Variants in SLC16A6 observed in about 807,000 individuals in gnomAD.
SLC16A6 encodes the protein solute carrier family 16 member 6.
SLC16A6 carries 15 observed loss-of-function variants against 33.8 expected under a neutral mutation model. That is an observed-to-expected ratio of 0.44 (90% CI 0.30 to 0.68). The LOEUF (loss-of-function observed/expected upper bound fraction) is 0.68, where lower values mean the gene tolerates loss of function less well. Among genes scored for constraint, SLC16A6 ranks in the 30% least tolerant of loss-of-function variants. The pLI is 0.10. For synonymous variants in SLC16A6, 219 were observed against 248.4 expected, an observed-to-expected ratio of 0.88 and a Z score of 1.11; for missense variants, 451 against 661.5, an observed-to-expected ratio of 0.68 and a Z score of 3.49.
intron 2 of SLC16A6, among the ~76,000 whole-genome samples, chr17:68,277,852 T>C (rs1265614455): frequency 6.6e-6 from 1 of 152,220 alleles, no homozygotes; most frequent in East Asian, 1.9e-4. Flanking sequence ...AGATGTTTAA[T>C]ACATGTGTGT....
At chr17:68,283,877 TCAAA>T (rs2075777441) in intron 1 of SLC16A6, among the ~76,000 whole-genome samples, 1 of 25,666 alleles carries the variant, frequency 3.9e-5, no homozygotes, top group Non-Finnish European at 7.6e-5. Context: ...AAACTCCGTC[TCAAA>T]AAAAAAAAAA....
At chr17:68,281,307 G>T (rs963512483) in intron 1 of SLC16A6, among the ~76,000 whole-genome samples, 10 of 152,022 alleles carry the variant, frequency 6.6e-5, no homozygotes, top group Non-Finnish European at 1.3e-4. Flanking sequence ...GGTGGCTCAC[G>T]CCTGTAATCC....
chr17:68,283,385 G>C (rs992203458), intron 1 of SLC16A6, among the ~76,000 whole-genome samples: 15 of 152,016 alleles, frequency 9.9e-5, no homozygotes, highest in Non-Finnish European at 2.2e-4. Flanking sequence ...GCCAGGCGTG[G>C]TGGCGGGCGC....
Position 68,278,063 on chromosome 17 carries a change from A to G in SLC16A6, c.232+26T>C, listed in dbSNP as rs781920926. 5.0e-5 allele frequency: 77 copies of G among 1,543,564 alleles called. No homozygotes were observed. In the South Asian group the frequency reaches 8.3e-4, roughly 17 times the overall value. On this transcript the variant is annotated intron_variant, in intron 2 of 5. Coordinates refer to ENST00000580666, the MANE Select transcript of SLC16A6 (RefSeq NM_004694.5). ...ATTAAAAGGGCCCTATACTTACGTC[A>G]TGGTTAGGCCGAAAGATGTACTAAC...
intron 3 of SLC16A6, among the ~76,000 whole-genome samples, chr17:68,273,496 C>T (rs1425151935): frequency 6.6e-6 from 1 of 152,146 alleles, no homozygotes; most frequent in African/African-American, 2.4e-5. Context: ...GCTGGGATTA[C>T]AGGCATGAGC....
intron 1 of SLC16A6, among the ~76,000 whole-genome samples, chr17:68,288,747 C>T (rs1261412465): frequency 1.3e-5 from 2 of 152,158 alleles, no homozygotes; most frequent in Non-Finnish European, 2.9e-5. Context: ...AAGGCAAGGC[C>T]GAAGAGTTGG....
At chr17:68,291,408 TCCGCCGGCCTCGGGGGCGCGCCG>T (rs1351256095), upstream of SLC16A6, 1 of 148,110 alleles carries the variant, frequency 6.8e-6, no homozygotes, top group Non-Finnish European at 1.5e-5. Flanking sequence ...GCAGCCGGTC[TCCGCCGGCCTCGGGGGCGCGCCG>T]CCGCCGACCA....
In SLC16A6 at chr17:68,273,966, C is replaced by T. The variant is rs148963790; in HGVS notation, c.337G>A (p.Glu113Lys). 8 of 1,614,066 alleles carry T rather than the reference C, an allele frequency of 5.0e-6. No individual in the cohort carries two copies. Among genetic ancestry groups the T allele is most frequent in the African/African-American group, 1.3e-5 (1 of 74,932 alleles). Residue 113 changes from glutamate to lysine, a missense_variant, in exon 3 of 6, where the codon GAG (glutamate) becomes AAG (lysine). Physicochemically the swap from Glu to Lys is moderately conservative, Grantham distance 56. Transcript: ENST00000580666. ...ATGGCGACGTACATATGAGAAACCT[C>T]TTGTGAGAAGGAGGCGGCCACCATC... ...TGMVAASFSQ[E>K]VSHMYVAIGI...
intron 1 of SLC16A6, among the ~76,000 whole-genome samples, chr17:68,282,426 A>T (rs1385997391): frequency 1.3e-5 from 2 of 151,932 alleles, no homozygotes; most frequent in Admixed American, 1.3e-4. Context: ...TGGGTGCAGC[A>T]CACCAACATG....
chr17:68,290,157 C>T (rs1555755353), intron 1 of SLC16A6, among the ~76,000 whole-genome samples: 1 of 152,178 alleles, frequency 6.6e-6, no homozygotes, highest in African/African-American at 2.4e-5. Context: ...GGAGCTGGCA[C>T]GGAGTGTCTA....
chr17:68,270,583 C>G (rs565888108), intron 5 of SLC16A6, among the ~76,000 whole-genome samples: 42 of 151,520 alleles, frequency 2.8e-4, no homozygotes, highest in African/African-American at 9.9e-4. Flanking sequence ...CAGGGTCAAT[C>G]TGGACTACAG....
At chr17:68,274,172 G>A (rs1161563780) in intron 2 of SLC16A6, 102 bp from the exon 3 acceptor site, 5 of 1,304,594 alleles carry the variant, frequency 3.8e-6, no homozygotes, top group South Asian at 2.7e-5. Context: ...AGATGATGTC[G>A]AATATAAATA....
intron 1 of SLC16A6, among the ~76,000 whole-genome samples, chr17:68,282,396 A>G (rs1381174590): frequency 1.3e-5 from 2 of 152,036 alleles, no homozygotes; most frequent in Non-Finnish European, 1.5e-5. Flanking sequence ...AGATATACCT[A>G]ATGTTAAATG....
chr17:68,284,290 G>A (rs1555753769), intron 1 of SLC16A6, among the ~76,000 whole-genome samples: 1 of 151,104 alleles, frequency 6.6e-6, no homozygotes, highest in African/African-American at 2.4e-5. Context: ...AGTCCCAGCT[G>A]CTCAGGAGGC....
intron 1 of SLC16A6, among the ~76,000 whole-genome samples, chr17:68,287,179 C>A (rs1205672464): frequency 1.3e-5 from 2 of 151,794 alleles, no homozygotes; most frequent in East Asian, 3.9e-4. Flanking sequence ...GGAGTTTCAC[C>A]ATGTTGGTCA....
At chr17:68,280,112 G>A (rs2075644263) in intron 1 of SLC16A6, among the ~76,000 whole-genome samples, 1 of 149,400 alleles carries the variant, frequency 6.7e-6, no homozygotes, top group Non-Finnish European at 1.5e-5. Context: ...AACCTGGGAG[G>A]AGGAGGTTGC....
chr17:68,289,182 C>CA (rs1328524258), intron 1 of SLC16A6, among the ~76,000 whole-genome samples: 34 of 152,060 alleles, frequency 2.2e-4, no homozygotes, highest in African/African-American at 7.7e-4. Context: ...TGTGTCTCTA[C>CA]AAAAAAATTA....
intron 2 of SLC16A6, among the ~76,000 whole-genome samples, chr17:68,277,318 G>A (rs782459182): frequency 2.0e-5 from 3 of 151,992 alleles, no homozygotes; most frequent in Non-Finnish European, 4.4e-5. Context: ...TTTTAGTAGA[G>A]AGGGGGTTTC....
rs2075348666 is a variant in SLC16A6, at chr17:68,271,801, A to G, written c.506-147T>C. 1.5e-6 allele frequency: 1 copy of G among 651,344 alleles called. No homozygotes were observed. Among genetic ancestry groups the G allele is most frequent in the Non-Finnish European group, 2.6e-6 (1 of 380,312 alleles). 40.3% of individuals were successfully genotyped at this position (651,344 alleles called of 1,614,324 possible). A position where few individuals can be genotyped will look rare whatever the true frequency, so the allele number is the denominator to read the frequency against. The stretch of plus-strand genomic sequence containing the variant: ...ATACTCAGCAGTATGAATGTACTCA[A>G]TCTTTATTTATTTACTTTTTGAGAC... On this transcript the variant is annotated intron_variant, in intron 4 of 5. Coordinates refer to ENST00000580666, the MANE Select transcript of SLC16A6 (RefSeq NM_004694.5). This position sits in a 1 kb window ranked among gnomAD's most constrained non-coding sequence, Gnocchi z 5.3.
Sources: gnomAD v4.1 joint callset for allele counts (sites outside exome capture counted in the v4.1 genomes callset) on GRCh38, gnomAD v4.1.1 for gene constraint, Gnocchi (gnomAD v3.1) non-coding constraint, MANE v1.5 for transcripts, NCBI Gene and HGNC (gene_info 2026-07-23, HGNC 2026-07-21) for gene names.